The following ERICH3 variants were observed in gnomAD, a reference collection of about 807,000 sequenced individuals.
ERICH3 encodes the protein glutamate rich 3.
ERICH3 carries 126 observed loss-of-function variants against 131.1 expected under a neutral mutation model. The observed-to-expected ratio is 0.96, with a 90% CI of 0.83 to 1.11. The LOEUF is 1.11. Among genes scored for constraint, ERICH3 ranks in the 50% most tolerant of loss-of-function variants. ERICH3 has a pLI of 0.00. For missense variants in ERICH3, 2,050 were observed against 1,810.7 expected (o/e 1.13, Z -2.40); for synonymous variants, 695 against 644.6 (o/e 1.08, Z -1.18).
intron 12 of ERICH3, among the ~76,000 whole-genome samples, chr1:74,585,060 T>C (rs1324206670): frequency 1.3e-5 from 2 of 152,228 alleles, no homozygotes; most frequent in African/African-American, 4.8e-5. Flanking sequence ...CTTATTCCCA[T>C]ATGCATTTGA....
chr1:74,627,497 A>G (rs907965474), intron 7 of ERICH3, among the ~76,000 whole-genome samples: 1 of 152,176 alleles, frequency 6.6e-6, no homozygotes, highest in Non-Finnish European at 1.5e-5. Context: ...CAAAGTAAAT[A>G]TACTTGGACT....
chr1:74,653,760 G>T (rs1557701444), intron 1 of ERICH3, among the ~76,000 whole-genome samples: 1 of 152,076 alleles, frequency 6.6e-6, no homozygotes, highest in Non-Finnish European at 1.5e-5. Context: ...GGATCACATT[G>T]ATAATGTTAT....
chr1:74,594,768 A>G (rs549040788), intron 11 of ERICH3, among the ~76,000 whole-genome samples: 33 of 152,212 alleles, frequency 2.2e-4, no homozygotes, highest in Admixed American at 1.3e-3. Flanking sequence ...TTTTAAACCA[A>G]TGACCAGACC....
chr1:74,573,301 A>G lies in ERICH3; in HGVS notation c.2409T>C (p.Ala803=). 6.2e-7 allele frequency: 1 copy of G among 1,600,564 alleles called. No individual in the cohort carries two copies. Among genetic ancestry groups the G allele is most frequent in the Non-Finnish European group, 8.5e-7 (1 of 1,174,658 alleles). Residue 803 remains alanine (A), a synonymous_variant, in exon 14 of 15, where the codon GCT becomes GCC. Transcript: ENST00000326665. ...ACGCCCTCAAGGGAGCCTCATGAACAGCTCCTGCTTCTCCCCACAGTGCTG... is the reference window on the plus strand; with the variant it reads ...ACGCCCTCAAGGGAGCCTCATGAACGGCTCCTGCTTCTCCCCACAGTGCTG... The part of the protein sequence containing the change: ...GEAALWGEAG[A]VHEAPLRAWK...
intron 13 of ERICH3, among the ~76,000 whole-genome samples, chr1:74,576,088 A>C (rs1194126540): frequency 1.3e-5 from 2 of 152,234 alleles, no homozygotes; most frequent in Non-Finnish European, 2.9e-5. Context: ...CTAATTGTAT[A>C]AACTGGGAAA....
Position 74,673,756 on chromosome 1 carries a change from G to A in ERICH3, c.-237C>T. 1.2e-5 allele frequency: 5 copies of A among 404,268 alleles called. No individual in the cohort carries two copies. The highest frequency in any genetic ancestry group is 2.2e-5 in the Non-Finnish European group (5 of 231,524). The allele number at this position is 404,268 out of a possible 1,614,324, so 25.0% of individuals were successfully genotyped here. A position where few individuals can be genotyped will look rare whatever the true frequency, so the allele number is the denominator to read the frequency against. On this transcript the variant is annotated 5_prime_UTR_variant, in exon 1 of 15. Coordinates refer to ENST00000326665, the MANE Select transcript of ERICH3 (RefSeq NM_001002912.5). ...TCCCTGTTGCTAAGGGAGGAGAGAG[G>A]CAAGCGCCCAGGGTCTGGAGAAGCG...
Position 74,649,260 on chromosome 1 carries a change from T to G in ERICH3, c.79A>C (p.Asn27His). Reference sequence around the variant, plus strand: ...AAGAGATGACGCCTTATCCTTGTATTGTTAAAATACCCAGCCAGGTGTTTA... The same window carrying G: ...AAGAGATGACGCCTTATCCTTGTATGGTTAAAATACCCAGCCAGGTGTTTA... ...MDKHLAGYFN[N>H]TRIRRHLLRS... is the part of the protein sequence containing the mutation. Residue 27 changes from asparagine to histidine, a missense_variant, in exon 2 of 15, where the codon AAT becomes CAT. Coordinates refer to ENST00000326665, the MANE Select transcript of ERICH3 (RefSeq NM_001002912.5). 2 of 1,612,744 alleles carry G rather than the reference T, an allele frequency of 1.2e-6. No homozygotes were observed. The highest frequency in any genetic ancestry group is 1.7e-6 in the Non-Finnish European group (2 of 1,179,254).
intron 11 of ERICH3, among the ~76,000 whole-genome samples, chr1:74,597,004 A>G (rs1418031933): frequency 6.6e-6 from 1 of 152,088 alleles, no homozygotes; most frequent in Non-Finnish European, 1.5e-5. Context: ...GGCAGGTTCA[A>G]ATGAAACACA....
At chr1:74,654,382 G>A (rs1455505958) in intron 1 of ERICH3, among the ~76,000 whole-genome samples, 1 of 151,384 alleles carries the variant, frequency 6.6e-6, no homozygotes, top group Admixed American at 6.6e-5. Context: ...ATGTATATAT[G>A]TATATCCTAC....
intron 12 of ERICH3, among the ~76,000 whole-genome samples, chr1:74,585,275 TA>T (rs1345246794): frequency 6.6e-6 from 1 of 152,190 alleles, no homozygotes; most frequent in Non-Finnish European, 1.5e-5. Flanking sequence ...AATACTGGAT[TA>T]ACACCCAAGA....
chr1:74,581,206 C>T lies in ERICH3; in HGVS notation c.2177-4270G>A, dbSNP rs187709754. ...GGCAAAAATTATCATCATCTTTAGT[C>T]TTCTATTCAAATAGTTGGAGTGATT... On this transcript the variant is annotated intron_variant, in intron 12 of 14. Coordinates refer to ENST00000326665, the MANE Select transcript of ERICH3 (RefSeq NM_001002912.5). Among the ~76,000 whole-genome samples, 347 of 152,206 alleles carry T rather than the reference C, an allele frequency of 2.3e-3. 3 individuals are homozygous for T. Among genetic ancestry groups the T allele is most frequent in the Admixed American group, 0.017 (257 of 15,282 alleles).
In ERICH3 at chr1:74,569,854, G is replaced by T. The variant is rs1294442001; in HGVS notation, c.*604C>A. On this transcript the variant is annotated 3_prime_UTR_variant, in exon 15 of 15. Coordinates refer to ENST00000326665, the MANE Select transcript of ERICH3 (RefSeq NM_001002912.5). ...TTTGTTATTCTGGCATAAATTAAAA[G>T]AATGAATATTTCTAAGTATAAGTGA... The T allele has an allele frequency of 1.3e-5, 2 of 152,146 alleles. No individual in the cohort carries two copies. The highest frequency in any genetic ancestry group is 2.4e-5 in the African/African-American group (1 of 41,430). The allele number at this position is 152,146 out of a possible 1,614,324, so 9.4% of individuals were successfully genotyped here. A position where few individuals can be genotyped will look rare whatever the true frequency, so the allele number is the denominator to read the frequency against.
At chr1:74,609,647 C>T (rs1214789718) in intron 9 of ERICH3, among the ~76,000 whole-genome samples, 1 of 151,988 alleles carries the variant, frequency 6.6e-6, no homozygotes, top group East Asian at 1.9e-4. Flanking sequence ...CAACTTTTAC[C>T]TGACCTGCAA....
At chr1:74,638,523 T>G (rs1646410874) in intron 5 of ERICH3, among the ~76,000 whole-genome samples, 1 of 152,226 alleles carries the variant, frequency 6.6e-6, no homozygotes, top group Non-Finnish European at 1.5e-5. Context: ...AAGGATAAAT[T>G]TGAATATCCG....
rs112975660 is a variant in ERICH3, at chr1:74,579,434, C to T, written c.2177-2498G>A. On this transcript the variant is annotated intron_variant, in intron 12 of 14. Transcript: ENST00000326665. ...AATGATAGTGAAGCTTGTAGTCCCT[C>T]TGTCTCAGGGATGTTATCACCACTT... is the stretch of plus-strand genomic sequence containing the variant. 1,169 of 985,370 alleles carry T rather than the reference C, an allele frequency of 1.2e-3. 14 individuals are homozygous for T. The African/African-American group carries it at 0.019, about 16-fold the overall frequency. 61.0% of individuals were successfully genotyped at this position (985,370 alleles called of 1,614,324 possible).
intron 1 of ERICH3, among the ~76,000 whole-genome samples, chr1:74,667,075 T>C (rs1022346529): frequency 2.7e-5 from 4 of 150,268 alleles, no homozygotes; most frequent in African/African-American, 4.9e-5. Flanking sequence ...AATAACTGTA[T>C]ATGAATATGT....
At chr1:74,659,324 A>G (rs1035407733) in intron 1 of ERICH3, among the ~76,000 whole-genome samples, 18 of 150,184 alleles carry the variant, frequency 1.2e-4, no homozygotes, top group Non-Finnish European at 1.8e-4. Flanking sequence ...GCACAGGCGC[A>G]TGTGTGTGTG....
intron 1 of ERICH3, among the ~76,000 whole-genome samples, chr1:74,660,506 C>T (rs924613207): frequency 6.6e-6 from 1 of 150,706 alleles, no homozygotes; most frequent in Admixed American, 6.6e-5. Context: ...TTTATAGATA[C>T]AAATAGCCTA....
At chr1:74,624,045 G>C (rs909511940) in intron 7 of ERICH3, 1 of 152,152 alleles carries the variant, frequency 6.6e-6, no homozygotes, top group South Asian at 2.1e-4. Context: ...ACTTGCCAGT[G>C]CTGATGCTTA....
Sources: allele counts gnomAD v4.1 joint callset (sites outside exome capture counted in the v4.1 genomes callset), GRCh38; gene constraint gnomAD v4.1.1; transcripts MANE v1.5; gene names NCBI Gene and HGNC (gene_info 2026-07-23, HGNC 2026-07-21).